Variants in SLC16A10 observed in about 807,000 individuals in gnomAD.
SLC16A10 encodes the protein monocarboxylate transporter 10.
Under a neutral mutation model 40.0 loss-of-function variants are expected in SLC16A10, and 27 were observed. The ratio of observed to expected loss-of-function variants is 0.67; its 90% CI spans 0.50 to 0.93. The LOEUF (loss-of-function observed/expected upper bound fraction) is 0.93. SLC16A10 is among the 40% of genes least tolerant of loss of function. The pLI, the probability that SLC16A10 is intolerant of heterozygous loss-of-function variation, is 0.00. For missense variants in SLC16A10, 529 were observed against 658.2 expected, an observed-to-expected ratio of 0.80 and a Z score of 2.15; for synonymous variants, 213 against 249.8, an observed-to-expected ratio of 0.85 and a Z score of 1.39.
chr6:111,104,261 A>C (rs532919490), intron 1 of SLC16A10, among the ~76,000 whole-genome samples: 6 of 152,218 alleles, frequency 3.9e-5, no homozygotes, highest in Non-Finnish European at 7.3e-5. Flanking sequence ...TCTGGGTTGC[A>C]GAGGCAAGAA....
chr6:111,197,986 A>G (rs1773107490), intron 3 of SLC16A10, among the ~76,000 whole-genome samples: 1 of 152,122 alleles, frequency 6.6e-6, no homozygotes, highest in Non-Finnish European at 1.5e-5. Context: ...CATTCAAACC[A>G]TATCAGAAGC....
At chr6:111,137,835 G>T (rs1396103810) in intron 1 of SLC16A10, among the ~76,000 whole-genome samples, 1 of 152,150 alleles carries the variant, frequency 6.6e-6, no homozygotes, top group African/African-American at 2.4e-5. Flanking sequence ...TTAAACACGG[G>T]GCTTGCAACG....
intron 3 of SLC16A10, among the ~76,000 whole-genome samples, chr6:111,187,236 C>T (rs1281789593): frequency 6.6e-6 from 1 of 152,154 alleles, no homozygotes; most frequent in Non-Finnish European, 1.5e-5. Context: ...ATTGGAGTCT[C>T]AGGACCACTG....
intron 5 of SLC16A10, among the ~76,000 whole-genome samples, chr6:111,219,833 AC>A (rs1770857496): frequency 6.6e-6 from 1 of 152,212 alleles, no homozygotes; most frequent in Non-Finnish European, 1.5e-5. Context: ...TAATCCCAGC[AC>A]TTTGAGAGGC....
intron 4 of SLC16A10, among the ~76,000 whole-genome samples, chr6:111,210,562 T>C (rs747667748): frequency 1.3e-5 from 2 of 152,014 alleles, no homozygotes; most frequent in Non-Finnish European, 2.9e-5. Context: ...GCTGTTAGGG[T>C]GATGCAAACA....
At position 111,108,745 on chromosome 6, in the gene SLC16A10, G is replaced by A. The variant is rs112964268; in HGVS notation, c.343+20650G>A. ...GGAGGTTCTCAAAGAGAATAAATGA[G>A]ATTGCTATGCAGGTGGAATCAAAGA... On this transcript the variant is annotated intron_variant, in intron 1 of 5. Coordinates refer to ENST00000368851, the MANE Select transcript of SLC16A10 (RefSeq NM_018593.5). 4.1e-3 allele frequency among the ~76,000 whole-genome samples: 625 copies of A among 152,258 alleles called. 3 individuals carry two copies. Among genetic ancestry groups the A allele is most frequent in the Middle Eastern group, 0.014 (4 of 294 alleles).
chr6:111,185,445 C>A (rs983703346), intron 3 of SLC16A10, among the ~76,000 whole-genome samples: 3 of 152,114 alleles, frequency 2.0e-5, no homozygotes, highest in Non-Finnish European at 4.4e-5. Flanking sequence ...TGCTTCACAG[C>A]CAGGGAGAAA....
intron 1 of SLC16A10, among the ~76,000 whole-genome samples, chr6:111,133,479 C>T (rs1255274041): frequency 6.6e-6 from 1 of 152,198 alleles, no homozygotes; most frequent in Non-Finnish European, 1.5e-5. Context: ...CATTCCTCTG[C>T]AGTACCACCT....
At chr6:111,123,839 A>C (rs1583315140) in intron 1 of SLC16A10, among the ~76,000 whole-genome samples, 3 of 152,304 alleles carry the variant, frequency 2.0e-5, no homozygotes, top group Middle Eastern at 3.4e-3. Context: ...GATATTCATC[A>C]GAAAAAAAAG....
At chr6:111,195,337 A>G (rs1773062372) in intron 3 of SLC16A10, among the ~76,000 whole-genome samples, 2 of 152,194 alleles carry the variant, frequency 1.3e-5, no homozygotes, top group South Asian at 2.1e-4. Flanking sequence ...AGTCACATTC[A>G]TAAATACTGA....
intron 1 of SLC16A10, among the ~76,000 whole-genome samples, chr6:111,106,906 GC>G: frequency 6.6e-6 from 1 of 152,290 alleles, no homozygotes; most frequent in South Asian, 2.1e-4. Context: ...TAACAAAGCT[GC>G]CTTCATAGTT....
At chr6:111,221,953 C>A (rs750366276) in intron 5 of SLC16A10, 50 bp from the exon 6 acceptor site, 1 of 1,557,368 alleles carries the variant, frequency 6.4e-7, no homozygotes, top group Non-Finnish European at 8.6e-7. Context: ...TCTAGACCCC[C>A]TACAGAGCCA....
chr6:111,116,695 T>C (rs1021530684), intron 1 of SLC16A10, among the ~76,000 whole-genome samples: 1 of 152,194 alleles, frequency 6.6e-6, no homozygotes, highest in Non-Finnish European at 1.5e-5. Context: ...CAAAATGTGC[T>C]TGCATGTGAG....
At chr6:111,136,352 G>A (rs1336784496) in intron 1 of SLC16A10, among the ~76,000 whole-genome samples, 1 of 152,174 alleles carries the variant, frequency 6.6e-6, no homozygotes, top group Non-Finnish European at 1.5e-5. Flanking sequence ...AGTGGCAAAG[G>A]GTTGGCCTCA....
chr6:111,117,432 G>A (rs1313477151), intron 1 of SLC16A10, among the ~76,000 whole-genome samples: 4 of 149,802 alleles, frequency 2.7e-5, no homozygotes, highest in Non-Finnish European at 4.4e-5. Flanking sequence ...CAAATAAACC[G>A]AATTTTTGGA....
chr6:111,149,099 G>A (rs912021918), intron 1 of SLC16A10, among the ~76,000 whole-genome samples: 1 of 152,158 alleles, frequency 6.6e-6, no homozygotes, highest in Non-Finnish European at 1.5e-5. Context: ...TACTCTCATT[G>A]ATAAAGGAAT....
At chr6:111,129,932 G>C (rs1177879917) in intron 1 of SLC16A10, among the ~76,000 whole-genome samples, 1 of 152,100 alleles carries the variant, frequency 6.6e-6, no homozygotes, top group Non-Finnish European at 1.5e-5. Flanking sequence ...ATTGTGTTTA[G>C]TCTGATTGAG....
In SLC16A10 at chr6:111,177,498, A is replaced by G; in HGVS notation, c.775A>G (p.Lys259Glu). Reference sequence around the variant, plus strand: ...TTACCGACCTCTTGCTACCAGTACCAAAGATAAAGAGAGTGGAGGTAGCGG... The same window carrying G: ...TTACCGACCTCTTGCTACCAGTACCGAAGATAAAGAGAGTGGAGGTAGCGG... ...FTYRPLATSTKDKESGGSGSS... is the reference protein window; with the variant it reads ...FTYRPLATSTEDKESGGSGSS... Residue 259 changes from lysine to glutamate, a missense_variant, in exon 3 of 6, where the codon AAA (lysine) becomes GAA (glutamate). Physicochemically the swap from Lys to Glu is moderately conservative, Grantham distance 56 (BLOSUM62 1). Coordinates refer to ENST00000368851, the MANE Select transcript of SLC16A10 (RefSeq NM_018593.5). 1 of 1,614,108 alleles carries G rather than the reference A, an allele frequency of 6.2e-7. No individual in the cohort carries two copies. Among genetic ancestry groups the G allele is most frequent in the Non-Finnish European group, 8.5e-7 (1 of 1,180,032 alleles).
intron 1 of SLC16A10, among the ~76,000 whole-genome samples, chr6:111,159,032 C>T (rs1772322925): frequency 7.9e-6 from 1 of 126,840 alleles, no homozygotes; most frequent in Non-Finnish European, 1.6e-5. Context: ...CCTGCCACTA[C>T]ACTCCAGTCT....
Sources: gnomAD v4.1 joint callset for allele counts (sites outside exome capture counted in the v4.1 genomes callset) on GRCh38, gnomAD v4.1.1 for gene constraint, MANE v1.5 for transcripts, NCBI Gene and HGNC (gene_info 2026-07-23, HGNC 2026-07-21) for gene names.